Variants in CCDC40 observed in about 807,000 individuals in gnomAD.
CCDC40 encodes the protein coiled-coil domain-containing protein 40.
In CCDC40, 104 loss-of-function variants were observed where a neutral mutation model predicts 124.5. The ratio of observed to expected loss-of-function variants is 0.84; its 90% CI spans 0.71 to 0.98. The LOEUF is 0.98. Among genes scored for constraint, CCDC40 ranks in the 50% least tolerant of loss-of-function variants. The pLI is 0.00. For synonymous variants in CCDC40, 580 were observed against 602.9 expected (o/e 0.96, Z 0.56); for missense variants, 1,463 against 1,503.9 (o/e 0.97, Z 0.45).
intron 7 of CCDC40, among the ~76,000 whole-genome samples, chr17:80,052,246 C>T (rs1048838158): frequency 1.3e-5 from 2 of 152,126 alleles, no homozygotes; most frequent in African/African-American, 4.8e-5. Context: ...CACAATAGGC[C>T]GTCTGCAGGC....
chr17:80,085,028 G>C (rs981813085), intron 13 of CCDC40, 40 bp downstream of exon 13: 1 of 1,607,946 alleles, frequency 6.2e-7, no homozygotes. Flanking sequence ...CCGGCTGACT[G>C]TGGTGCCTGG....
chr17:80,088,666 G>C (rs960906060), intron 16 of CCDC40, among the ~76,000 whole-genome samples: 4 of 152,234 alleles, frequency 2.6e-5, no homozygotes, highest in Admixed American at 6.5e-5. Context: ...AATTGGCCAG[G>C]CATGGTGGTG....
rs1437963715 is a variant in CCDC40 at position 80,090,705 on chromosome 17, T to A, written c.2832+821T>A. 3.5e-6 allele frequency: 5 copies of A among 1,417,936 alleles called. No individual in the cohort carries two copies. In the African/African-American group the frequency reaches 7.2e-5, roughly 20 times the overall value. The allele number at this position is 1,417,936 out of a possible 1,614,324, so 87.8% of individuals were successfully genotyped here. On this transcript the variant is annotated intron_variant, in intron 17 of 19. Transcript: ENST00000397545. The stretch of plus-strand genomic sequence containing the variant: ...GGTCACAATTAGATTTCATTGCCTT[T>A]AAAAGGCTGGTAATTAAATTGCAAG...
intron 17 of CCDC40, chr17:80,090,963 C>CTCTGTGGAGG: frequency 1.1e-5 from 4 of 363,840 alleles, no homozygotes; most frequent in Non-Finnish European, 1.2e-5. Flanking sequence ...CTCTCCTCCA[C>CTCTGTGGAGG]AGAGTGGGGG....
At chr17:80,094,203 G>A (rs1033605812) in intron 17 of CCDC40, among the ~76,000 whole-genome samples, 1 of 149,836 alleles carries the variant, frequency 6.7e-6, no homozygotes, top group Non-Finnish European at 1.5e-5. Flanking sequence ...CTTGAGGTCA[G>A]TTCAAAACCA....
At chr17:80,048,791 G>T in intron 5 of CCDC40, 30 bp downstream of exon 5, 1 of 1,576,530 alleles carries the variant, frequency 6.3e-7, no homozygotes, top group Non-Finnish European at 8.6e-7. Flanking sequence ...TTTTGCTTTT[G>T]CCTACATGGA....
rs561660963 is a variant in CCDC40 at position 80,086,436 on chromosome 17, C to G, written c.2449+220C>G. 2 of 544,064 alleles carry G rather than the reference C, an allele frequency of 3.7e-6. No individual in the cohort carries two copies. Among genetic ancestry groups the G allele is most frequent in the Admixed American group, 3.0e-5 (1 of 33,272 alleles). The allele number at this position is 544,064 out of a possible 1,614,324, so 33.7% of individuals were successfully genotyped here. On this transcript the variant is annotated intron_variant, in intron 14 of 19. Coordinates refer to ENST00000397545, the MANE Select transcript of CCDC40 (RefSeq NM_017950.4). The surrounding 1 kb of genome is among the most constrained non-coding windows in gnomAD (Gnocchi z 5.5). ...ACAGCGGGAGGGTTGAGAAATGTCA[C>G]GAAATGGCTCCAAGCTCACGGACTT...
chr17:80,044,706 C>CAA lies in CCDC40; in HGVS notation c.553-2563_553-2562dup, dbSNP rs72238955. 6.9e-4 allele frequency among the ~76,000 whole-genome samples: 51 copies of CAA among 74,092 alleles called. No individual in the cohort carries two copies. In the South Asian group the frequency reaches 0.016, roughly 23 times the overall value. 48.6% of individuals were successfully genotyped at this position (74,092 alleles called of 152,430 possible). On this transcript the variant is annotated intron_variant, in intron 3 of 19. Coordinates refer to ENST00000397545, the MANE Select transcript of CCDC40 (RefSeq NM_017950.4). ...TCAAAAACAAAACAAAACAAACAAA[C>CAA]AAAAAAAAAAATATATATATATATA...
intron 1 of CCDC40, 173 bp from the exon 2 acceptor site, chr17:80,037,950 A>G: frequency 1.7e-6 from 1 of 591,038 alleles, no homozygotes; most frequent in Non-Finnish European, 3.2e-6. Context: ...GCCACCTGAC[A>G]GGCATGATAT....
Position 80,040,241 on chromosome 17 carries a change from G to A in CCDC40, c.523G>A (p.Val175Ile). 6 of 1,613,842 alleles carry A rather than the reference G, an allele frequency of 3.7e-6. No individual in the cohort carries two copies. The highest frequency in any genetic ancestry group is 5.1e-6 in the Non-Finnish European group (6 of 1,179,970). The change falls in exon 3 of 20, where the codon GTC becomes ATC. Residue 175 changes from valine to isoleucine, a missense_variant. Val to Ile is a conservative substitution (Grantham distance 29). Coordinates refer to ENST00000397545, the MANE Select transcript of CCDC40 (RefSeq NM_017950.4). The part of the protein sequence containing the change: ...VLGPSEQMGQ[V>I]TSGPAVGRLT... ...AGGCCCGTCGGAGCAAATGGGCCAGGTCACCTCTGGGCCAGCAGTGGGCAG... is the reference window on the plus strand; with the variant it reads ...AGGCCCGTCGGAGCAAATGGGCCAGATCACCTCTGGGCCAGCAGTGGGCAG...
intron 9 of CCDC40, among the ~76,000 whole-genome samples, chr17:80,061,666 C>T (rs189797249): frequency 4.6e-5 from 7 of 152,264 alleles, no homozygotes; most frequent in Non-Finnish European, 4.4e-5. Flanking sequence ...CAGAACAGTG[C>T]GGGGGCAACA....
intron 3 of CCDC40, among the ~76,000 whole-genome samples, chr17:80,040,918 G>A (rs967194105): frequency 3.3e-5 from 5 of 152,156 alleles, no homozygotes; most frequent in African/African-American, 1.2e-4. Flanking sequence ...TAGCGAGCTG[G>A]AGGAATGGAG....
rs1490046591 is a variant in CCDC40, at chr17:80,100,452, A to G, written c.*677A>G. ...GGACTACGCCCCAGTCTGCCCACCT[A>G]TCTTTTCTCCATCATTAACCCAGCG... On this transcript the variant is annotated 3_prime_UTR_variant, in exon 20 of 20. Transcript: ENST00000397545. The G allele has an allele frequency of 6.5e-6, 1 of 152,870 alleles. No homozygotes were observed. The highest frequency in any genetic ancestry group is 1.5e-5 in the Non-Finnish European group (1 of 68,624). The allele number at this position is 152,870 out of a possible 1,614,324, so 9.5% of individuals were successfully genotyped here.
chr17:80,044,704 A>ATATAT (rs1485851817), intron 3 of CCDC40, among the ~76,000 whole-genome samples: 494 of 36,932 alleles, frequency 0.013, 15 homozygotes, highest in African/African-American at 0.036. Flanking sequence ...AAAACAAACA[A>ATATAT]ACAAAAAAAA....
At chr17:80,094,594 C>G (rs896764431) in intron 17 of CCDC40, among the ~76,000 whole-genome samples, 1 of 152,166 alleles carries the variant, frequency 6.6e-6, no homozygotes, top group Non-Finnish European at 1.5e-5. Context: ...ACTCAGGAGG[C>G]TGAGGCAGAA....
At chr17:80,038,253 G>C (rs963748399) in intron 2 of CCDC40, 67 bp downstream of exon 2, 2 of 1,097,884 alleles carry the variant, frequency 1.8e-6, no homozygotes, top group African/African-American at 1.6e-5. Flanking sequence ...ATCAGAGTAC[G>C]GGCACTGTGG....
chr17:80,041,793 G>T (rs1479802142), intron 3 of CCDC40, among the ~76,000 whole-genome samples: 1 of 152,204 alleles, frequency 6.6e-6, no homozygotes, highest in East Asian at 1.9e-4. Context: ...GCTTTAGTGG[G>T]ACTATCACGG....
At chr17:80,073,248 C>A (rs1289012534) in intron 10 of CCDC40, among the ~76,000 whole-genome samples, 1 of 152,074 alleles carries the variant, frequency 6.6e-6, no homozygotes, top group Non-Finnish European at 1.5e-5. Flanking sequence ...CATGATCCAC[C>A]CGCCTCAGCC....
At chr17:80,097,907 AAAGAAAAGAAAAGAAAAGAAAAG>A (rs1416256624) in intron 19 of CCDC40, 1 of 21,738 alleles carries the variant, frequency 4.6e-5, no homozygotes, top group Non-Finnish European at 9.6e-5. Context: ...CTCAAAAAGA[AAAGAAAAGAAAAGAAAAGAAAAG>A]AAAAGAAAAG....
Sources: gnomAD v4.1 joint callset for allele counts (sites outside exome capture counted in the v4.1 genomes callset) on GRCh38, gnomAD v4.1.1 for gene constraint, Gnocchi (gnomAD v3.1) non-coding constraint, MANE v1.5 for transcripts, NCBI Gene and HGNC (gene_info 2026-07-23, HGNC 2026-07-21) for gene names.